Variants in RIMS1 observed in about 807,000 individuals in gnomAD.
RIMS1 encodes regulating synaptic membrane exocytosis 1, also known as regulating synaptic membrane exocytosis protein 1.
RIMS1 carries 83 observed loss-of-function variants against 214.1 expected under a neutral mutation model. The ratio of observed to expected loss-of-function variants is 0.39; its 90% CI spans 0.32 to 0.47. The LOEUF (loss-of-function observed/expected upper bound fraction) is 0.47, where lower values mean the gene tolerates loss of function less well. Ranked by LOEUF, RIMS1 falls within the 20% of genes least tolerant of loss-of-function variation. The pLI is 0.99. For synonymous variants in RIMS1, 793 were observed against 786.8 expected (o/e 1.01, Z -0.13); for missense variants, 2,050 against 2,161.8 (o/e 0.95, Z 1.03).
At chr6:72,114,949 A>C (rs1463192043) in intron 4 of RIMS1, among the ~76,000 whole-genome samples, 1 of 151,934 alleles carries the variant, frequency 6.6e-6, no homozygotes, top group Non-Finnish European at 1.5e-5. Flanking sequence ...TGAGTTGAGC[A>C]GAATAAAAAG....
intron 2 of RIMS1, among the ~76,000 whole-genome samples, chr6:71,978,443 G>A (rs145839656): frequency 6.6e-6 from 1 of 152,026 alleles, no homozygotes; most frequent in African/African-American, 2.4e-5. Flanking sequence ...TACTCTGATA[G>A]TCTGTTGGGA....
At chr6:72,365,999 A>C (rs1238820553) in intron 29 of RIMS1, among the ~76,000 whole-genome samples, 1 of 152,354 alleles carries the variant, frequency 6.6e-6, no homozygotes, top group South Asian at 2.1e-4. Flanking sequence ...CCTCTCATGC[A>C]TGTAAAACAT....
rs2044493553 is a variant in RIMS1, at chr6:72,156,732, C to T, written c.472-22843C>T. Among the ~76,000 whole-genome samples, 2 of 140,476 alleles carry T rather than the reference C, an allele frequency of 1.4e-5. 1 individual carries two copies. Among genetic ancestry groups the T allele is most frequent in the South Asian group, 4.7e-4 (2 of 4,294 alleles). 92.2% of individuals were successfully genotyped at this position (140,476 alleles called of 152,430 possible). On this transcript the variant is annotated intron_variant, in intron 4 of 33. Transcript: ENST00000521978. ...TACAATGTTTATGTATTAAAAACAT[C>T]ACTTGGTATATCTCAAATATATATA...
chr6:71,887,289 C>T (rs757157482), intron 1 of RIMS1, 102 bp downstream of exon 1: 55 of 1,460,940 alleles, frequency 3.8e-5, no homozygotes, highest in Non-Finnish European at 4.8e-5. Flanking sequence ...GAAGGGGCTG[C>T]CAGGGTGCTG....
intron 2 of RIMS1, among the ~76,000 whole-genome samples, chr6:72,023,647 C>T (rs489348): frequency 0.44 from 66,534 of 151,628 alleles, 15,561 homozygotes; most frequent in Non-Finnish European, 0.52. Context: ...TTTTCATTCC[C>T]ATGCTATTTG....
intron 29 of RIMS1, among the ~76,000 whole-genome samples, chr6:72,340,343 A>T: frequency 6.6e-6 from 1 of 151,514 alleles, no homozygotes; most frequent in Non-Finnish European, 1.5e-5. Context: ...GGTGTTTTAG[A>T]CATGAAGTCC....
chr6:72,044,671 C>T (rs1822443959), intron 2 of RIMS1, among the ~76,000 whole-genome samples: 1 of 151,734 alleles, frequency 6.6e-6, no homozygotes, highest in Non-Finnish European at 1.5e-5. Context: ...CCTTCATACC[C>T]ACTAGAGTGG....
At chr6:72,139,275 C>A (rs560096483) in intron 4 of RIMS1, among the ~76,000 whole-genome samples, 1 of 152,304 alleles carries the variant, frequency 6.6e-6, no homozygotes, top group African/African-American at 2.4e-5. Context: ...CCCCTTCACA[C>A]ACTGGTTACT....
At chr6:72,311,005 A>G (rs1367493826) in intron 27 of RIMS1, among the ~76,000 whole-genome samples, 2 of 152,158 alleles carry the variant, frequency 1.3e-5, no homozygotes, top group Non-Finnish European at 2.9e-5. Context: ...AAGTAAAGCC[A>G]TCTTTTGGCT....
intron 23 of RIMS1, among the ~76,000 whole-genome samples, chr6:72,282,510 A>G (rs2090629792): frequency 6.6e-6 from 1 of 152,060 alleles, no homozygotes; most frequent in African/African-American, 2.4e-5. Context: ...TCATGGTTTC[A>G]TTTCTTCCTT....
chr6:72,099,151 T>C (rs1586919148), intron 3 of RIMS1, among the ~76,000 whole-genome samples: 1 of 152,184 alleles, frequency 6.6e-6, no homozygotes, highest in Non-Finnish European at 1.5e-5. Flanking sequence ...TAACTTCCCA[T>C]TATAGGTTTG....
At chr6:72,200,613 A>G (rs1230864353) in intron 6 of RIMS1, among the ~76,000 whole-genome samples, 2 of 152,228 alleles carry the variant, frequency 1.3e-5, no homozygotes. Flanking sequence ...TATGAAGGAT[A>G]GAGATGAGAA....
chr6:72,112,676 A>T (rs894377837), intron 4 of RIMS1, among the ~76,000 whole-genome samples: 1 of 152,096 alleles, frequency 6.6e-6, no homozygotes, highest in East Asian at 1.9e-4. Context: ...CTGCTCAAAC[A>T]TTACCTTATC....
At chr6:72,321,540 T>C (rs1178572081) in intron 28 of RIMS1, among the ~76,000 whole-genome samples, 1 of 152,090 alleles carries the variant, frequency 6.6e-6, no homozygotes, top group African/African-American at 2.4e-5. Flanking sequence ...TATATGCTTT[T>C]TACACCATTA....
chr6:72,330,505 G>A (rs1280603025), intron 28 of RIMS1, among the ~76,000 whole-genome samples: 1 of 151,670 alleles, frequency 6.6e-6, no homozygotes, highest in African/African-American at 2.4e-5. Context: ...TGGGAAGGGG[G>A]CTGTAGCAGT....
intron 22 of RIMS1, among the ~76,000 whole-genome samples, chr6:72,273,008 G>C (rs923754750): frequency 6.6e-6 from 1 of 152,076 alleles, no homozygotes; most frequent in African/African-American, 2.4e-5. Flanking sequence ...ACCTTTAAGA[G>C]TATGTTCCAC....
At chr6:72,245,747 T>C (rs2069216828) in intron 10 of RIMS1, 68 bp from the exon 11 acceptor site, 2 of 1,205,814 alleles carry the variant, frequency 1.7e-6, no homozygotes, top group Non-Finnish European at 2.5e-6. Flanking sequence ...TCACGTATAA[T>C]GGGCTATGAT....
At chr6:72,392,667 T>A in intron 30 of RIMS1, 31 bp from the exon 31 acceptor site, 1 of 1,476,334 alleles carries the variant, frequency 6.8e-7, no homozygotes, top group African/African-American at 1.4e-5. Flanking sequence ...TCATGGGTTT[T>A]TTCCTTTGGT....
chr6:72,002,458 G>A (rs1452584654), intron 2 of RIMS1, among the ~76,000 whole-genome samples: 1 of 152,142 alleles, frequency 6.6e-6, no homozygotes, highest in Non-Finnish European at 1.5e-5. Context: ...AAGATAAAAT[G>A]TTTAAAAATA....
Sources: gnomAD v4.1 joint callset for allele counts (sites outside exome capture counted in the v4.1 genomes callset) on GRCh38, gnomAD v4.1.1 for gene constraint, MANE v1.5 for transcripts, NCBI Gene and HGNC (gene_info 2026-07-23, HGNC 2026-07-21) for gene names.